CHLSN: variants seen among roughly 807,000 people sequenced by gnomAD.
CHLSN encodes protein cholesin.
the CHLSN span, chr7:1,055,288 T>C: frequency 8.5e-6 from 4 of 470,932 alleles, no homozygotes; most frequent in Non-Finnish European, 1.8e-5. Context: ...GGAAAACAAG[T>C]GCTTGCATCC....
chr7:1,053,362 C>T, the CHLSN span, among the ~76,000 whole-genome samples: 8 of 152,330 alleles, frequency 5.3e-5, no homozygotes, highest in Admixed American at 2.6e-4. Flanking sequence ...GACAGGACCC[C>T]GGCTAATGTG....
the CHLSN span, chr7:1,044,619 C>T: frequency 1.3e-5 from 2 of 151,366 alleles, no homozygotes; most frequent in Non-Finnish European, 3.0e-5. Flanking sequence ...CCGAGCTGCC[C>T]GCCCGGCGGC....
chr7:1,056,978 T>C, the CHLSN span: 1 of 161,614 alleles, frequency 6.2e-6, no homozygotes, highest in Non-Finnish European at 1.4e-5. Flanking sequence ...TCCTGTGGGC[T>C]GCGACCCACA....
At chr7:1,109,820 C>G in the CHLSN span, among the ~76,000 whole-genome samples, 1 of 152,200 alleles carries the variant, frequency 6.6e-6, no homozygotes, top group African/African-American at 2.4e-5. Context: ...CGTCTCGGCG[C>G]CACGGGTGAC....
At chr7:1,013,298 C>T in the CHLSN span, among the ~76,000 whole-genome samples, 1 of 152,374 alleles carries the variant, frequency 6.6e-6, no homozygotes, top group South Asian at 2.1e-4. Flanking sequence ...TTTTAACAAA[C>T]TTGACACTAT....
the CHLSN span, among the ~76,000 whole-genome samples, chr7:1,048,468 C>T: frequency 6.6e-6 from 1 of 152,086 alleles, no homozygotes; most frequent in Non-Finnish European, 1.5e-5. Context: ...CCGGGTGCCT[C>T]TCAGGTTGAG....
chr7:1,134,335 A>T, the CHLSN span, among the ~76,000 whole-genome samples: 3 of 152,116 alleles, frequency 2.0e-5, no homozygotes, highest in South Asian at 6.2e-4. Context: ...GCACTTTGGG[A>T]GGCCGAGGTG....
At chr7:979,154 G>A in the CHLSN span, among the ~76,000 whole-genome samples, 25 of 152,338 alleles carry the variant, frequency 1.6e-4, no homozygotes, top group African/African-American at 5.3e-4. Flanking sequence ...TCAACTAAAG[G>A]AAAATTTTGC....
chr7:1,096,999 G>A, the CHLSN span, among the ~76,000 whole-genome samples: 1 of 152,218 alleles, frequency 6.6e-6, no homozygotes, highest in Admixed American at 6.5e-5. This position sits in a 1 kb window ranked among gnomAD's most constrained non-coding sequence, Gnocchi z 4.6. Context: ...GCAATGTGAG[G>A]AGGCTCCTGA....
the CHLSN span, among the ~76,000 whole-genome samples, chr7:982,503 C>T: frequency 6.6e-6 from 1 of 152,254 alleles, no homozygotes; most frequent in East Asian, 1.9e-4. Flanking sequence ...AACCCCGCCA[C>T]CTGCCACCCG....
the CHLSN span, among the ~76,000 whole-genome samples, chr7:1,121,689 C>T: frequency 5.3e-5 from 8 of 152,362 alleles, no homozygotes; most frequent in East Asian, 9.6e-4. Flanking sequence ...TCACGCCAGA[C>T]GGGTTTACAG....
chr7:1,084,819 CA>C, the CHLSN span, among the ~76,000 whole-genome samples: 2 of 152,240 alleles, frequency 1.3e-5, no homozygotes. Flanking sequence ...CGCTGAAAAC[CA>C]GGGTTGTTTG....
the CHLSN span, among the ~76,000 whole-genome samples, chr7:993,638 G>A: frequency 2.0e-5 from 3 of 152,194 alleles, no homozygotes; most frequent in Non-Finnish European, 4.4e-5. Context: ...TTAGCCGGGT[G>A]TAGTGGTAGC....
the CHLSN span, among the ~76,000 whole-genome samples, chr7:1,094,278 T>A: frequency 6.6e-6 from 1 of 152,312 alleles, no homozygotes; most frequent in Non-Finnish European, 1.5e-5. Context: ...CTGTCCCTGA[T>A]GTTAACAAGG....
the CHLSN span, among the ~76,000 whole-genome samples, chr7:1,134,517 C>T: frequency 6.6e-6 from 1 of 151,050 alleles, no homozygotes; most frequent in African/African-American, 2.4e-5. Flanking sequence ...TACAGTGAGC[C>T]GAGATCGCGC....
the CHLSN span, among the ~76,000 whole-genome samples, chr7:1,089,450 T>G: frequency 7.1e-6 from 1 of 140,180 alleles, no homozygotes; most frequent in African/African-American, 2.8e-5. Flanking sequence ...TGCAGTGGTG[T>G]GATCTCGGCT....
chr7:1,001,537 G>A, the CHLSN span, among the ~76,000 whole-genome samples: 10 of 141,400 alleles, frequency 7.1e-5, no homozygotes, highest in Admixed American at 2.8e-4. Context: ...CTGTGGGTGG[G>A]GAGTCCTGTG....
the CHLSN span, among the ~76,000 whole-genome samples, chr7:1,064,213 G>A: frequency 3.9e-5 from 6 of 152,238 alleles, no homozygotes; most frequent in South Asian, 2.1e-4. Context: ...CACACGCGTC[G>A]GCTGCAGGGT....
At chr7:1,071,133 CAT>C in the CHLSN span, among the ~76,000 whole-genome samples, 1 of 152,254 alleles carries the variant, frequency 6.6e-6, no homozygotes, top group Non-Finnish European at 1.5e-5. Context: ...GGATTCCACT[CAT>C]AGAGGCCCCG....
Sources: gnomAD v4.1 joint callset for allele counts (sites outside exome capture counted in the v4.1 genomes callset) on GRCh38, gnomAD v4.1.1 for gene constraint, Gnocchi (gnomAD v3.1) non-coding constraint, MANE v1.5 for transcripts, NCBI Gene and HGNC (gene_info 2026-07-23, HGNC 2026-07-21) for gene names.